Variants in SCAF11 observed in about 807,000 individuals in gnomAD.
The protein encoded by SCAF11 is SR-related CTD associated factor 11.
A neutral mutation model predicts 140.5 loss-of-function variants in SCAF11; 47 were observed. That is an observed-to-expected ratio of 0.33 (90% CI 0.26 to 0.43). The LOEUF (loss-of-function observed/expected upper bound fraction) is 0.43, where lower values mean the gene tolerates loss of function less well. Ranked by LOEUF, SCAF11 falls within the 20% of genes least tolerant of loss-of-function variation. The probability of loss-of-function intolerance (pLI) is 1.00; values close to 1 mark genes in which losing one functional copy is unlikely to be tolerated. For missense variants in SCAF11, 1,645 were observed against 1,705.1 expected (o/e 0.96, Z 0.62); for synonymous variants, 557 against 579.4 (o/e 0.96, Z 0.55).
At position 45,928,140 on chromosome 12, in the gene SCAF11, C is replaced by T. The variant is rs1944942026; in HGVS notation, c.1561G>A (p.Asp521Asn). 6.2e-7 allele frequency: 1 copy of T among 1,613,932 alleles called. No homozygotes were observed. The highest frequency in any genetic ancestry group is 2.2e-5 in the East Asian group (1 of 44,870). The change falls in exon 11 of 15, where the codon GAT becomes AAT. Residue 521 changes from aspartate to asparagine, a missense_variant. By Grantham distance (23) the Asp-to-Asn change is conservative (BLOSUM62 1). Transcript: ENST00000369367. ...ATCTGGTCTTGCTTTTCCAATGGAT[C>T]ACCTCCTTTTTCAAGAATATTTTCA... ...ISENILEKGG[D>N]PLEKQDQISG...
At chr12:45,990,327 C>A in intron 1 of SCAF11, 26 bp downstream of exon 1, 18 of 1,231,882 alleles carry the variant, frequency 1.5e-5, no homozygotes, top group Non-Finnish European at 1.7e-5. Flanking sequence ...CAAGCCCATC[C>A]ACCCCGCGGG....
upstream of SCAF11, chr12:45,990,693 A>G (rs1946582854): frequency 3.7e-6 from 3 of 809,696 alleles, no homozygotes; most frequent in Non-Finnish European, 3.3e-6. Context: ...CGGACTCGCC[A>G]CATTCTGCTT....
At chr12:45,963,045 TG>T (rs1398221076) in intron 2 of SCAF11, among the ~76,000 whole-genome samples, 9 of 152,128 alleles carry the variant, frequency 5.9e-5, no homozygotes, top group African/African-American at 2.2e-4. Context: ...GAAAAATACT[TG>T]TGAATTGGAA....
At chr12:45,960,807 T>C (rs1261848432) in intron 3 of SCAF11, 1 of 152,206 alleles carries the variant, frequency 6.6e-6, no homozygotes, top group Non-Finnish European at 1.5e-5. Context: ...ACCCCAATTA[T>C]GTAATATGCA....
chr12:45,980,780 T>C (rs1946332248), intron 1 of SCAF11, among the ~76,000 whole-genome samples: 1 of 152,182 alleles, frequency 6.6e-6, no homozygotes, highest in African/African-American at 2.4e-5. Flanking sequence ...GTGACTCTCA[T>C]GCCCTTTTAG....
chr12:45,982,566 G>A (rs902996503), intron 1 of SCAF11, among the ~76,000 whole-genome samples: 1 of 152,114 alleles, frequency 6.6e-6, no homozygotes, highest in Non-Finnish European at 1.5e-5. Flanking sequence ...TTAGCCGGGT[G>A]TAGTGGTACA....
chr12:45,981,145 A>T (rs1343668704), intron 1 of SCAF11, among the ~76,000 whole-genome samples: 1 of 152,214 alleles, frequency 6.6e-6, no homozygotes, highest in Non-Finnish European at 1.5e-5. Flanking sequence ...TCTTATTATA[A>T]ATGCTACAAA....
rs187148145 is a variant in SCAF11, at chr12:45,990,517, G to A, written c.-186C>T. The A allele has an allele frequency of 6.9e-4, 852 of 1,231,998 alleles. 1 individual carries two copies. In the African/African-American group the frequency reaches 0.012, roughly 17 times the overall value. The allele number at this position is 1,231,998 out of a possible 1,614,324, so 76.3% of individuals were successfully genotyped here. On this transcript the variant is annotated 5_prime_UTR_variant, in exon 1 of 15. Coordinates refer to ENST00000369367, the MANE Select transcript of SCAF11 (RefSeq NM_004719.3). The stretch of plus-strand genomic sequence containing the variant: ...CCGCTGGCTCGGTCCGGAGGCGGCG[G>A]CGAAGCAGGGAGCGACCCAGGTTGC...
At chr12:45,945,780 G>A (rs928868880) in intron 5 of SCAF11, among the ~76,000 whole-genome samples, 5 of 151,800 alleles carry the variant, frequency 3.3e-5, no homozygotes, top group Admixed American at 6.6e-5. Flanking sequence ...TGATCCTCCC[G>A]CCTTGGCCTC....
At chr12:45,924,634 TG>T in intron 12 of SCAF11, 93 bp downstream of exon 12, 1 of 979,484 alleles carries the variant, frequency 1.0e-6, no homozygotes, top group Admixed American at 2.6e-5. Flanking sequence ...CAATTGTTTT[TG>T]AATGCCAGGA....
At chr12:45,961,651 A>G in intron 3 of SCAF11, 49 bp downstream of exon 3, 1 of 1,462,112 alleles carries the variant, frequency 6.8e-7, no homozygotes, top group Non-Finnish European at 9.3e-7. Context: ...TCTTTAGGTG[A>G]AATGAAATCA....
At chr12:45,938,111 T>C (rs1331169787) in intron 6 of SCAF11, among the ~76,000 whole-genome samples, 1 of 152,154 alleles carries the variant, frequency 6.6e-6, no homozygotes, top group Non-Finnish European at 1.5e-5. Context: ...CTCATACTGT[T>C]TTACTTTCTA....
chr12:45,964,910 G>A lies in SCAF11; in HGVS notation c.-21-722C>T, dbSNP rs75478291. ...GCCAATCTCACAATTGAGCGGGTGAGAGAAAACAGTGGGTGAAAGTGTGTG... is the reference window on the plus strand; with the variant it reads ...GCCAATCTCACAATTGAGCGGGTGAAAGAAAACAGTGGGTGAAAGTGTGTG... On this transcript the variant is annotated intron_variant, in intron 1 of 14. Transcript: ENST00000369367. Among the ~76,000 whole-genome samples the A allele has an allele frequency of 4.1e-3, 622 of 150,922 alleles. 5 individuals carry two copies. The highest frequency in any genetic ancestry group is 0.013 in the African/African-American group (542 of 40,254).
intron 1 of SCAF11, among the ~76,000 whole-genome samples, chr12:45,976,384 T>C (rs998216384): frequency 1.3e-5 from 2 of 152,188 alleles, no homozygotes; most frequent in Non-Finnish European, 1.5e-5. Context: ...TTATAATTGT[T>C]CTATTATTTG....
At chr12:45,976,771 T>C (rs999509943) in intron 1 of SCAF11, among the ~76,000 whole-genome samples, 7 of 152,004 alleles carry the variant, frequency 4.6e-5, no homozygotes, top group African/African-American at 1.5e-4. Context: ...AAATCAGTAA[T>C]TTAAACTTGC....
intron 1 of SCAF11, chr12:45,974,661 A>G (rs1946191108): frequency 5.8e-6 from 1 of 171,848 alleles, no homozygotes; most frequent in African/African-American, 2.4e-5. Context: ...TAATTCTATA[A>G]TAGTTCTCCT....
rs370592250 is a variant in SCAF11, at chr12:45,980,123, TG to T, written c.-22+10229del. ...TTACATACAATGAAAATAAGTAACA[TG>T]CCCAAGATCGAAAAGCCAGCATTAA... On this transcript the variant is annotated intron_variant, in intron 1 of 14. Transcript: ENST00000369367. 2.3e-3 allele frequency among the ~76,000 whole-genome samples: 348 copies of T among 152,252 alleles called. 12 individuals carry two copies. In the South Asian group the frequency reaches 0.068, roughly 30 times the overall value.
At chr12:45,964,005 A>G (rs139476507) in intron 2 of SCAF11, 102 bp downstream of exon 2, 14 of 646,440 alleles carry the variant, frequency 2.2e-5, no homozygotes, top group Admixed American at 1.6e-4. Context: ...AAGAACAACA[A>G]TAACAAAAAA....
Position 45,926,313 on chromosome 12 carries a change from C to G in SCAF11, c.3388G>C (p.Glu1130Gln). Reference sequence around the variant, plus strand: ...TCTGCTGGTGTATCAAATGAGAACTCCTGTTCACTTTTTCGCTTATAGGAT... The same window carrying G: ...TCTGCTGGTGTATCAAATGAGAACTGCTGTTCACTTTTTCGCTTATAGGAT... ...QQSYKRKSEQ[E>Q]FSFDTPADRS... Residue 1130 changes from glutamate (E) to glutamine (Q), a missense_variant, in exon 11 of 15, where the codon GAG becomes CAG. Around this residue, in one of 2 missense-constraint regions of SCAF11, gnomAD observed 1,582 missense variants for 1,609.2 expected, o/e 0.98. Coordinates refer to ENST00000369367, the MANE Select transcript of SCAF11 (RefSeq NM_004719.3). 1.2e-6 allele frequency: 2 copies of G among 1,614,126 alleles called. No homozygotes were observed. The highest frequency in any genetic ancestry group is 1.7e-6 in the Non-Finnish European group (2 of 1,180,006).
Sources: gnomAD v4.1 joint callset for allele counts (sites outside exome capture counted in the v4.1 genomes callset) on GRCh38, gnomAD v4.1.1 for gene constraint, gnomAD v4.1.1 regional missense constraint, MANE v1.5 for transcripts, NCBI Gene and HGNC (gene_info 2026-07-23, HGNC 2026-07-21) for gene names.